Variants in MAP4K4 observed in about 807,000 individuals in gnomAD.
MAP4K4 encodes the protein mitogen-activated protein kinase kinase kinase kinase 4.
Under a neutral mutation model 189.6 loss-of-function variants are expected in MAP4K4, and 38 were observed. The observed-to-expected ratio is 0.20, with a 90% CI of 0.15 to 0.26. The LOEUF (loss-of-function observed/expected upper bound fraction) is 0.26, where lower values mean the gene tolerates loss of function less well. Among genes scored for constraint, MAP4K4 ranks in the 10% least tolerant of loss-of-function variants. The probability of loss-of-function intolerance (pLI) is 1.00; values close to 1 mark genes in which losing one functional copy is unlikely to be tolerated. For missense variants in MAP4K4, 1,054 were observed against 1,726.9 expected, an observed-to-expected ratio of 0.61 and a Z score of 6.91; for synonymous variants, 610 against 624.3, an observed-to-expected ratio of 0.98 and a Z score of 0.34.
rs976318270 is a variant in MAP4K4, at chr2:101,740,223, G to A, written c.123+41685G>A. 1.1e-4 allele frequency among the ~76,000 whole-genome samples: 10 copies of A among 91,848 alleles called. No individual in the cohort carries two copies. The South Asian group carries it at 2.7e-3, about 25-fold the overall frequency. The allele number at this position is 91,848 out of a possible 152,430, so 60.3% of individuals were successfully genotyped here. On this transcript the variant is annotated intron_variant, in intron 2 of 32. Coordinates refer to ENST00000324219, the Ensembl canonical transcript of MAP4K4. ...GGCTGGAGTGCAGTGGCGGGATCTC[G>A]GCTCACTGCAAGCTCCGCCTCCCGG...
At chr2:101,756,735 T>A (rs1443173581) in intron 2 of MAP4K4, among the ~76,000 whole-genome samples, 1 of 150,754 alleles carries the variant, frequency 6.6e-6, no homozygotes, top group Non-Finnish European at 1.5e-5. Flanking sequence ...TTGTATTTTT[T>A]TTTTTTTTTT....
At chr2:101,839,652 A>G (rs1376129617) in intron 9 of MAP4K4, among the ~76,000 whole-genome samples, 167 bp from the exon 10 acceptor site, 1 of 152,186 alleles carries the variant, frequency 6.6e-6, no homozygotes, top group Non-Finnish European at 1.5e-5. Context: ...CCTGATCCTC[A>G]ACAGTCCTGA....
chr2:101,801,448 A>G (rs749803751), intron 3 of MAP4K4, among the ~76,000 whole-genome samples: 4 of 152,224 alleles, frequency 2.6e-5, no homozygotes, highest in Admixed American at 6.5e-5. Flanking sequence ...AATGGCACGT[A>G]TGAAATATTG....
At chr2:101,876,559 G>A (rs542710889) in intron 26 of MAP4K4, among the ~76,000 whole-genome samples, 29 of 152,312 alleles carry the variant, frequency 1.9e-4, no homozygotes, top group Admixed American at 7.2e-4. Context: ...CATTTATATG[G>A]CCCATTCCAG....
chr2:101,844,680 CT>C (rs2097036102), intron 12 of MAP4K4, among the ~76,000 whole-genome samples: 1 of 152,152 alleles, frequency 6.6e-6, no homozygotes, highest in Non-Finnish European at 1.5e-5. Flanking sequence ...CTTTTCTACT[CT>C]CAGCCTCTGG....
chr2:101,732,247 A>G (rs1386230570), intron 2 of MAP4K4, among the ~76,000 whole-genome samples: 1 of 152,140 alleles, frequency 6.6e-6, no homozygotes, highest in African/African-American at 2.4e-5. Flanking sequence ...TCCAGAATTT[A>G]TTTAGGTTAT....
chr2:101,857,842 A>C (rs755125787), intron 13 of MAP4K4, among the ~76,000 whole-genome samples: 49 of 152,218 alleles, frequency 3.2e-4, no homozygotes, highest in Non-Finnish European at 6.0e-4. Flanking sequence ...ACTTCTGTTC[A>C]GCCCATATTG....
At chr2:101,701,751 T>C (rs1160656609) in intron 2 of MAP4K4, among the ~76,000 whole-genome samples, 2 of 152,344 alleles carry the variant, frequency 1.3e-5, no homozygotes, top group East Asian at 3.9e-4. Flanking sequence ...CAAGGTTACA[T>C]TCAGAGTACC....
chr2:101,771,714 C>A (rs575910478), intron 2 of MAP4K4, among the ~76,000 whole-genome samples: 45 of 152,294 alleles, frequency 3.0e-4, no homozygotes, highest in African/African-American at 1.1e-3. Context: ...ATTAATGAGG[C>A]CAGATTGATC....
At chr2:101,780,412 G>A (rs969629349) in intron 2 of MAP4K4, among the ~76,000 whole-genome samples, 5 of 152,202 alleles carry the variant, frequency 3.3e-5, no homozygotes, top group South Asian at 2.1e-4. Context: ...GAGGAATCAA[G>A]TGTACTGTGA....
chr2:101,868,948 A>T (rs551464407), intron 21 of MAP4K4, among the ~76,000 whole-genome samples: 28 of 152,234 alleles, frequency 1.8e-4, no homozygotes, highest in African/African-American at 5.8e-4. Context: ...AGTCTTCTTT[A>T]AAGGGGTCAG....
rs903322562 is a variant in MAP4K4 at position 101,727,341 on chromosome 2, T to C, written c.123+28803T>C. On this transcript the variant is annotated intron_variant, in intron 2 of 32. Coordinates refer to ENST00000324219, the Ensembl canonical transcript of MAP4K4. ...CTGCAAAACTCAGTGGACTGTATTT[T>C]AAAGCCGCTATGAGAGTTTACAAAA... 3.9e-5 allele frequency among the ~76,000 whole-genome samples: 6 copies of C among 152,240 alleles called. No homozygotes were observed. In the East Asian group the frequency reaches 1.2e-3, roughly 29 times the overall value.
intron 2 of MAP4K4, among the ~76,000 whole-genome samples, chr2:101,729,080 G>A (rs796935402): frequency 8.2e-4 from 83 of 101,372 alleles, no homozygotes; most frequent in Admixed American, 3.8e-3. Context: ...AGAGAGAGGA[G>A]AGAGAGAGAG....
intron 2 of MAP4K4, among the ~76,000 whole-genome samples, chr2:101,710,484 A>G (rs1214447166): frequency 6.6e-6 from 1 of 152,108 alleles, no homozygotes; most frequent in Non-Finnish European, 1.5e-5. Flanking sequence ...TTATTTATTT[A>G]TCTAGTACTT....
At chr2:101,861,147 T>A in intron 16 of MAP4K4, 161 bp downstream of exon 16, 1 of 610,646 alleles carries the variant, frequency 1.6e-6, no homozygotes, top group Non-Finnish European at 2.8e-6. Context: ...ACTCAGTTGA[T>A]AGGGAAATAT....
chr2:101,809,507 T>C (rs1473514278), intron 3 of MAP4K4, among the ~76,000 whole-genome samples: 1 of 152,198 alleles, frequency 6.6e-6, no homozygotes, highest in Non-Finnish European at 1.5e-5. Context: ...CTCATCTGAA[T>C]ATAAATAAAA....
exon 1 of MAP4K4, chr2:101,697,984 G>A (rs1295199912): frequency 8.4e-6 from 7 of 835,182 alleles, no homozygotes; most frequent in Admixed American, 3.4e-5. Context: ...CTCGGCTGCC[G>A]CGCGAGGAGC....
intron 2 of MAP4K4, among the ~76,000 whole-genome samples, chr2:101,707,800 C>T (rs2043169948): frequency 6.6e-6 from 1 of 151,320 alleles, no homozygotes; most frequent in Admixed American, 6.6e-5. Flanking sequence ...ACGCCATTCT[C>T]CTGCCTCAGC....
At chr2:101,764,224 A>G (rs2077633104) in intron 2 of MAP4K4, among the ~76,000 whole-genome samples, 1 of 152,200 alleles carries the variant, frequency 6.6e-6, no homozygotes, top group African/African-American at 2.4e-5. Flanking sequence ...ATGAGTGTCA[A>G]ACATATGTAG....
Sources: allele counts gnomAD v4.1 joint callset (sites outside exome capture counted in the v4.1 genomes callset), GRCh38; gene constraint gnomAD v4.1.1; transcripts MANE v1.5; gene names NCBI Gene and HGNC (gene_info 2026-07-23, HGNC 2026-07-21).